The following FRMD3 variants were observed in gnomAD, a reference collection of about 807,000 sequenced individuals.
The protein encoded by FRMD3 is FERM domain containing 3, also known as FERM domain-containing protein 3.
FRMD3 carries 33 observed loss-of-function variants against 70.2 expected under a neutral mutation model. That is an observed-to-expected ratio of 0.47 (90% CI 0.36 to 0.63). The LOEUF (loss-of-function observed/expected upper bound fraction) is 0.63. Among genes scored for constraint, FRMD3 ranks in the 20% least tolerant of loss-of-function variants. The pLI is 0.00. For missense variants in FRMD3, 632 were observed against 711.4 expected (o/e 0.89, Z 1.27); for synonymous variants, 279 against 255.9 (o/e 1.09, Z -0.86).
chr9:83,491,499 A>G (rs1828824242), intron 1 of FRMD3, among the ~76,000 whole-genome samples: 1 of 152,140 alleles, frequency 6.6e-6, no homozygotes, highest in African/African-American at 2.4e-5. Context: ...CAGGCAGGCC[A>G]CAAGCCTTTC....
At chr9:83,530,703 G>GTT (rs963929273) in intron 1 of FRMD3, among the ~76,000 whole-genome samples, 13 of 151,466 alleles carry the variant, frequency 8.6e-5, no homozygotes, top group Non-Finnish European at 2.9e-5. Context: ...TTTGAAAATA[G>GTT]TTTTTTTTTA....
At chr9:83,461,228 G>C (rs1827961657) in intron 1 of FRMD3, among the ~76,000 whole-genome samples, 1 of 152,192 alleles carries the variant, frequency 6.6e-6, no homozygotes, top group South Asian at 2.1e-4. Flanking sequence ...TTCACAATCA[G>C]AGGGAAAATT....
intron 3 of FRMD3, among the ~76,000 whole-genome samples, chr9:83,359,808 T>C (rs919406388): frequency 6.6e-6 from 1 of 152,116 alleles, no homozygotes; most frequent in Admixed American, 6.5e-5. Context: ...ACAATGAGGA[T>C]GACATGAGTT....
intron 1 of FRMD3, among the ~76,000 whole-genome samples, chr9:83,409,702 T>A (rs1587826094): frequency 6.6e-6 from 1 of 152,334 alleles, no homozygotes; most frequent in African/African-American, 2.4e-5. Flanking sequence ...TGGTAGATAG[T>A]AAGATTATTA....
the FRMD3 span, among the ~76,000 whole-genome samples, chr9:83,546,969 C>A: frequency 6.8e-6 from 1 of 146,660 alleles, no homozygotes; most frequent in East Asian, 2.0e-4. Context: ...TCACAAGAAA[C>A]CCATCTAACT....
intron 1 of FRMD3, among the ~76,000 whole-genome samples, chr9:83,432,843 C>T (rs1827022047): frequency 6.6e-6 from 1 of 152,272 alleles, no homozygotes. Flanking sequence ...TTTTACTGCA[C>T]CTGTCACCCA....
rs1376351022 is a variant in FRMD3 at position 83,500,147 on chromosome 9, A to G, written c.147+37938T>C. The stretch of plus-strand genomic sequence containing the variant: ...TTTTAGGGCAGAGAAACTATCCTGT[A>G]TAATCCTGTAATGGTGGATACAGGA... On this transcript the variant is annotated intron_variant, in intron 1 of 13. Transcript: ENST00000304195. Among the ~76,000 whole-genome samples the G allele has an allele frequency of 2.6e-5, 4 of 152,206 alleles. No individual in the cohort carries two copies. The East Asian group carries it at 7.7e-4, about 29-fold the overall frequency.
At position 83,441,383 on chromosome 9, in the gene FRMD3, G is replaced by T. The variant is rs180745993; in HGVS notation, c.148-51675C>A. Among the ~76,000 whole-genome samples the T allele has an allele frequency of 7.5e-4, 114 of 152,300 alleles. 1 individual carries two copies. Among genetic ancestry groups the T allele is most frequent in the Admixed American group, 2.9e-3 (45 of 15,290 alleles). On this transcript the variant is annotated intron_variant, in intron 1 of 13. Transcript: ENST00000304195. ...ACCAGTCGAGGATCCTGACACATTA[G>T]TTATTTAGACTTAAAAGGAGAAAAA...
chr9:83,310,703 C>T (rs933910967), intron 8 of FRMD3, among the ~76,000 whole-genome samples, 155 bp from the exon 9 acceptor site: 2 of 152,144 alleles, frequency 1.3e-5, no homozygotes, highest in Admixed American at 1.3e-4. Context: ...TGAAAAGCCT[C>T]GAGTGAATTA....
intron 1 of FRMD3, among the ~76,000 whole-genome samples, chr9:83,427,293 T>G (rs1432579481): frequency 6.6e-6 from 1 of 152,166 alleles, no homozygotes; most frequent in East Asian, 1.9e-4. Flanking sequence ...CTGTAGGTGG[T>G]CAGCAAGTCA....
intron 1 of FRMD3, among the ~76,000 whole-genome samples, chr9:83,527,961 G>A (rs1829719146): frequency 6.6e-6 from 1 of 152,200 alleles, no homozygotes; most frequent in African/African-American, 2.4e-5. Context: ...CTTATGCCAT[G>A]TGAATCTCAG....
chr9:83,503,949 T>TCTGCTG (rs1390800725), intron 1 of FRMD3, among the ~76,000 whole-genome samples: 1 of 152,164 alleles, frequency 6.6e-6, no homozygotes, highest in South Asian at 2.1e-4. Flanking sequence ...CTCCTGCAAC[T>TCTGCTG]CAGGGGAACC....
At chr9:83,407,861 C>T (rs1409876479) in intron 1 of FRMD3, among the ~76,000 whole-genome samples, 3 of 129,940 alleles carry the variant, frequency 2.3e-5, no homozygotes, top group Non-Finnish European at 4.6e-5. Context: ...CTCTCTCTCT[C>T]TCTCTCTCTC....
intron 1 of FRMD3, among the ~76,000 whole-genome samples, chr9:83,492,467 C>T (rs777462853): frequency 6.6e-6 from 1 of 152,198 alleles, no homozygotes; most frequent in Non-Finnish European, 1.5e-5. Flanking sequence ...CCAGGATGGT[C>T]GCAGCACAGA....
intron 1 of FRMD3, chr9:83,467,684 A>AG: frequency 6.5e-7 from 1 of 1,535,264 alleles, no homozygotes; most frequent in Non-Finnish European, 8.7e-7. Context: ...CAGTGCCGTG[A>AG]TCTGCTAGTG....
intron 1 of FRMD3, among the ~76,000 whole-genome samples, chr9:83,422,325 C>G (rs1826670703): frequency 6.6e-6 from 1 of 152,164 alleles, no homozygotes; most frequent in Non-Finnish European, 1.5e-5. Context: ...ACTCTTCCAC[C>G]AATTCCCAGA....
At chr9:83,361,945 C>T (rs1824599147) in intron 3 of FRMD3, among the ~76,000 whole-genome samples, 1 of 152,176 alleles carries the variant, frequency 6.6e-6, no homozygotes, top group African/African-American at 2.4e-5. Context: ...GAGCATGGCC[C>T]TGCTGACAAC....
At chr9:83,485,067 TG>T (rs1308461017) in intron 1 of FRMD3, among the ~76,000 whole-genome samples, 2 of 152,248 alleles carry the variant, frequency 1.3e-5, no homozygotes, top group African/African-American at 4.8e-5. Flanking sequence ...TAGCTCTATC[TG>T]GGCCTTTCAC....
chr9:83,453,951 G>A (rs1999398), intron 1 of FRMD3, among the ~76,000 whole-genome samples: 32,951 of 151,872 alleles, frequency 0.22, 4,058 homozygotes, highest in African/African-American at 0.33. Context: ...TCCTGACCTC[G>A]TGATCCATCT....
Sources: allele counts gnomAD v4.1 joint callset (sites outside exome capture counted in the v4.1 genomes callset), GRCh38; gene constraint gnomAD v4.1.1; transcripts MANE v1.5; gene names NCBI Gene and HGNC (gene_info 2026-07-23, HGNC 2026-07-21).